ZNF512B: variants seen among roughly 807,000 people sequenced by gnomAD.
ZNF512B encodes zinc finger protein 512B.
A neutral mutation model predicts 87.8 loss-of-function variants in ZNF512B; 22 were observed. That is an observed-to-expected ratio of 0.25 (90% CI 0.18 to 0.36). ZNF512B has a LOEUF of 0.36. Among genes scored for constraint, ZNF512B ranks in the 10% least tolerant of loss-of-function variants. The pLI, the probability that ZNF512B is intolerant of heterozygous loss-of-function variation, is 1.00. For missense variants in ZNF512B, 1,060 were observed against 1,231.6 expected (o/e 0.86, Z 2.09); for synonymous variants, 524 against 490.9 (o/e 1.07, Z -0.89).
In ZNF512B at chr20:63,961,434, C is replaced by G; in HGVS notation, c.2329-27G>C. 2 of 1,600,792 alleles carry G rather than the reference C, an allele frequency of 1.2e-6. No homozygotes were observed. The highest frequency in any genetic ancestry group is 2.2e-5 in the South Asian group (2 of 90,932). ...TGCAATGCATAGGCAGGCCAGTGCC[C>G]CAGCCCTTGGAGGACCCAGATCTGT... On this transcript the variant is annotated intron_variant, in intron 15 of 16. Transcript: ENST00000369888. This position sits in a 1 kb window ranked among gnomAD's most constrained non-coding sequence, Gnocchi z 6.4.
chr20:63,960,701 G>A (rs1316511345), intron 16 of ZNF512B, among the ~76,000 whole-genome samples: 2 of 127,356 alleles, frequency 1.6e-5, no homozygotes, highest in East Asian at 2.7e-4. Context: ...CAGCCTTCGG[G>A]ACCAGGCAAG....
In ZNF512B at chr20:63,959,668, G is replaced by T; in HGVS notation, c.*220C>A. On this transcript the variant is annotated 3_prime_UTR_variant, in exon 17 of 17. Transcript: ENST00000369888. ...CCTCCTGGCTATTGCACTTCTGCTG[G>T]GCACACCTTGGGGAGCCCCAACCCA... 1 of 616,956 alleles carries T rather than the reference G, an allele frequency of 1.6e-6. No individual in the cohort carries two copies. The highest frequency in any genetic ancestry group is 2.7e-6 in the Non-Finnish European group (1 of 375,110). 38.2% of individuals were successfully genotyped at this position (616,956 alleles called of 1,614,324 possible).
chr20:63,959,542 C>T lies in ZNF512B; in HGVS notation c.*346G>A, dbSNP rs1358364576. On this transcript the variant is annotated 3_prime_UTR_variant, in exon 17 of 17. Transcript: ENST00000369888. ...AGCCAGGGAAGGGACCCGGCAGGGC[C>T]TGAGGAAGCGGAGCCGGGGGGCCAA... 1.3e-5 allele frequency: 4 copies of T among 305,968 alleles called. No homozygotes were observed. The highest frequency in any genetic ancestry group is 1.0e-4 in the South Asian group (1 of 9,720). The allele number at this position is 305,968 out of a possible 1,614,324, so 19.0% of individuals were successfully genotyped here.
chr20:63,967,282 A>C, intron 3 of ZNF512B, 99 bp downstream of exon 3: 11 of 1,478,936 alleles, frequency 7.4e-6, no homozygotes, highest in Non-Finnish European at 1.0e-5. Context: ...CTTGAGGCAT[A>C]GAGTTGGTAC....
At chr20:63,963,046 C>G in intron 12 of ZNF512B, 49 bp downstream of exon 12, 1 of 1,491,360 alleles carries the variant, frequency 6.7e-7, no homozygotes, top group Admixed American at 2.1e-5. Context: ...ACGGAACACA[C>G]ACGGCACACA....
chr20:63,968,023 A>G, intron 1 of ZNF512B, 71 bp from the exon 2 acceptor site: 1 of 1,547,698 alleles, frequency 6.5e-7, no homozygotes, highest in South Asian at 1.2e-5. Flanking sequence ...GCTGCCCTGG[A>G]GCCCTGCCCT....
At chr20:63,960,221 T>C (rs2058834671) in intron 16 of ZNF512B, 82 bp from the exon 17 acceptor site, 3 of 1,560,436 alleles carry the variant, frequency 1.9e-6, no homozygotes, top group African/African-American at 1.4e-5. Context: ...GCTGAAGACC[T>C]GTCAGCCTTC....
Position 63,961,949 on chromosome 20 carries a change from C to A in ZNF512B, c.2321G>T (p.Cys774Phe). 6.4e-7 allele frequency: 1 copy of A among 1,551,064 alleles called. No individual in the cohort carries two copies. Among genetic ancestry groups the A allele is most frequent in the Non-Finnish European group, 8.7e-7 (1 of 1,146,914 alleles). ...GCAGGCCCCAGAACTGACCTTACTG[C>A]AGCTGGCGAGATGAGCCTTGAGTCC... ...VSGLKAHLASCSKGAHLAGKY... is the reference protein window; with the variant it reads ...VSGLKAHLASFSKGAHLAGKY... Residue 774 changes from cysteine (C) to phenylalanine (F), a missense_variant, in exon 15 of 17, where the codon TGC becomes TTC. By Grantham distance (205) the Cys-to-Phe change is radical. Coordinates refer to ENST00000369888, the MANE Select transcript of ZNF512B (RefSeq NM_020713.3). The surrounding 1 kb of genome is among the most constrained non-coding windows in gnomAD (Gnocchi z 6.4).
At position 63,966,129 on chromosome 20, in the gene ZNF512B, G is replaced by C. The variant is rs373982925; in HGVS notation, c.1034+12C>G. 6.3e-7 allele frequency: 1 copy of C among 1,579,192 alleles called. No individual in the cohort carries two copies. Among genetic ancestry groups the C allele is most frequent in the African/African-American group, 1.4e-5 (1 of 72,944 alleles). On this transcript the variant is annotated intron_variant, in intron 5 of 16. Transcript: ENST00000369888. ...CCACTGTTCCTCCCCGACCTGGGAC[G>C]AGCCCCCATACCTTTTCTTACCACT...
rs1021741591 is a variant in ZNF512B at position 63,957,546 on chromosome 20, G to C, written c.*2342C>G. The C allele has an allele frequency of 6.6e-6, 1 of 152,636 alleles. No homozygotes were observed. The highest frequency in any genetic ancestry group is 1.5e-5 in the Non-Finnish European group (1 of 68,098). 9.5% of individuals were successfully genotyped at this position (152,636 alleles called of 1,614,324 possible). A position where few individuals can be genotyped will look rare whatever the true frequency, so the allele number is the denominator to read the frequency against. On this transcript the variant is annotated 3_prime_UTR_variant, in exon 17 of 17. Transcript: ENST00000369888. ...TCAGACCCAACAGCCACTTCTGGCA[G>C]TAGCCCCCACGCCTACCTTAAAGAC... is the stretch of plus-strand genomic sequence containing the variant.
At position 63,962,359 on chromosome 20, in the gene ZNF512B, G is replaced by A; in HGVS notation, c.2179C>T (p.Pro727Ser). 6.2e-7 allele frequency: 1 copy of A among 1,612,246 alleles called. No homozygotes were observed. Residue 727 changes from proline to serine, a missense_variant, in exon 14 of 17, where the codon CCA (proline) becomes TCA (serine). This residue lies in a region of ZNF512B where 253 missense variants were observed against 259.2 expected (regional missense o/e 0.98). Coordinates refer to ENST00000369888, the MANE Select transcript of ZNF512B (RefSeq NM_020713.3). ...TGGGGGTTCAGCGTGGGGAGCCCTG[G>A]TCGAGTGTAGTTGAGCTGTGAATTC... is the stretch of plus-strand genomic sequence containing the variant. ...PETARLNYTRPGLPTLNPQLL... is the reference protein window; with the variant it reads ...PETARLNYTRSGLPTLNPQLL...
rs1342618083 is a variant in ZNF512B at position 63,964,313 on chromosome 20, G to A, written c.1333+7C>T. 1 of 1,613,906 alleles carries A rather than the reference G, an allele frequency of 6.2e-7. No individual in the cohort carries two copies. On this transcript the variant is annotated splice_region_variant and intron_variant, in intron 7 of 16. Coordinates refer to ENST00000369888, the MANE Select transcript of ZNF512B (RefSeq NM_020713.3). ...CCCTGGAGGTGCACACCGGGCTGGG[G>A]TCTTACCTTTGAGCCCAAAGGTCCC...
In ZNF512B at chr20:63,964,562, C is replaced by A. The variant is rs1189766596; in HGVS notation, c.1189G>T (p.Gly397Trp). 6.2e-7 allele frequency: 1 copy of A among 1,612,968 alleles called. No individual in the cohort carries two copies. Among genetic ancestry groups the A allele is most frequent in the East Asian group, 2.2e-5 (1 of 44,880 alleles). The change falls in exon 6 of 17, where the codon GGG (glycine) becomes TGG (tryptophan). Residue 397 changes from glycine to tryptophan, a missense_variant. Gly to Trp is a radical substitution (Grantham distance 184). Transcript: ENST00000369888. ...GSLSPGSRPS[G>W]GMEALKAAGP... is the part of the protein sequence containing the mutation. ...GCAGCCTTCAGTGCCTCCATGCCCC[C>A]TGACGGCCTGCTGCCTGGCGACAAG...
intron 1 of ZNF512B, chr20:63,969,002 G>A (rs982955979): frequency 2.1e-5 from 12 of 559,942 alleles, no homozygotes; most frequent in South Asian, 7.7e-5. Flanking sequence ...ACTTGGATCC[G>A]AGGGGATGGG....
At chr20:63,969,658 G>A (rs1489204305) in intron 1 of ZNF512B, among the ~76,000 whole-genome samples, 156 bp downstream of exon 1, 18 of 145,290 alleles carry the variant, frequency 1.2e-4, no homozygotes, top group Non-Finnish European at 1.1e-4. Flanking sequence ...GCAGGAAGAC[G>A]GCGCCGGCGC....
At position 63,961,350 on chromosome 20, in the gene ZNF512B, C is replaced by A; in HGVS notation, c.2386G>T (p.Glu796Ter). The change falls in exon 16 of 17, where the codon GAG (glutamate) becomes TAG (stop). Residue 796 changes from glutamate to a stop codon, truncating the protein, a stop_gained. Transcript: ENST00000369888. LOFTEE classifies it high-confidence loss of function. The surrounding 1 kb of genome is among the most constrained non-coding windows in gnomAD (Gnocchi z 6.4). ...AGGATGTGGTATTTGACGCCACTCT[C>A]AGAACTGAACTCCTTCGGACACAGC... ...CLLCPKEFSS[E>*]SGVKYHILKT... The A allele has an allele frequency of 6.2e-7, 1 of 1,612,862 alleles. No individual in the cohort carries two copies. Among genetic ancestry groups the A allele is most frequent in the South Asian group, 1.1e-5 (1 of 91,092 alleles).
rs1321258270 is a variant in ZNF512B at position 63,958,422 on chromosome 20, G to C, written c.*1466C>G. ...AAAAAAAAGGTTGTTACTTGTCACA[G>C]CAACAAGACTGGCATCCACTACACC... On this transcript the variant is annotated 3_prime_UTR_variant, in exon 17 of 17. Transcript: ENST00000369888. The C allele has an allele frequency of 6.6e-6, 1 of 152,432 alleles. No individual in the cohort carries two copies. Among genetic ancestry groups the C allele is most frequent in the Admixed American group, 6.5e-5 (1 of 15,292 alleles). 9.4% of individuals were successfully genotyped at this position (152,432 alleles called of 1,614,324 possible). A position where few individuals can be genotyped will look rare whatever the true frequency, so the allele number is the denominator to read the frequency against.
In ZNF512B at chr20:63,957,748, G is replaced by A. The variant is rs1433124417; in HGVS notation, c.*2140C>T. On this transcript the variant is annotated 3_prime_UTR_variant, in exon 17 of 17. Coordinates refer to ENST00000369888, the MANE Select transcript of ZNF512B (RefSeq NM_020713.3). ...CTGGGGCAGGCACCACACCCTGCAG[G>A]TGTTCAGGTCCACCCTCCTCCCGCC... is the stretch of plus-strand genomic sequence containing the variant. 6.6e-6 allele frequency: 1 copy of A among 152,428 alleles called. No homozygotes were observed. The highest frequency in any genetic ancestry group is 2.4e-5 in the African/African-American group (1 of 41,404). The allele number at this position is 152,428 out of a possible 1,614,324, so 9.4% of individuals were successfully genotyped here.
chr20:63,968,102 A>C (rs910203714), intron 1 of ZNF512B, 150 bp from the exon 2 acceptor site: 4 of 1,019,372 alleles, frequency 3.9e-6, no homozygotes, highest in Non-Finnish European at 5.6e-6. Flanking sequence ...GGGAAAAGCA[A>C]GTGATGGGGG....
Sources: gnomAD v4.1 joint callset for allele counts (sites outside exome capture counted in the v4.1 genomes callset) on GRCh38, gnomAD v4.1.1 for gene constraint, gnomAD v4.1.1 regional missense constraint, Gnocchi (gnomAD v3.1) non-coding constraint, MANE v1.5 for transcripts, NCBI Gene and HGNC (gene_info 2026-07-23, HGNC 2026-07-21) for gene names.